The following SLC25A21 variants were observed in gnomAD, a reference collection of about 807,000 sequenced individuals.
The protein encoded by SLC25A21 is solute carrier family 25 member 21.
Under a neutral mutation model 43.8 loss-of-function variants are expected in SLC25A21, and 47 were observed. The observed-to-expected ratio is 1.07, with a 90% CI of 0.85 to 1.37. The LOEUF is 1.37. Among genes scored for constraint, SLC25A21 ranks in the 40% most tolerant of loss-of-function variants. The pLI is 0.00. For missense variants in SLC25A21, 352 were observed against 350.2 expected (o/e 1.00, Z -0.04); for synonymous variants, 131 against 121.3 (o/e 1.08, Z -0.52).
At chr14:37,142,607 C>T (rs1963589584) in intron 1 of SLC25A21, among the ~76,000 whole-genome samples, 1 of 152,134 alleles carries the variant, frequency 6.6e-6, no homozygotes, top group Admixed American at 6.5e-5. Flanking sequence ...AGCAATCCTC[C>T]CGAGTAGCTG....
intron 7 of SLC25A21, among the ~76,000 whole-genome samples, chr14:36,709,422 G>C (rs1883732578): frequency 6.6e-6 from 1 of 152,196 alleles, no homozygotes; most frequent in Non-Finnish European, 1.5e-5. Flanking sequence ...AGTGTATTGA[G>C]AGCTCCTTCG....
chr14:37,016,352 T>C (rs894823102), intron 1 of SLC25A21, among the ~76,000 whole-genome samples: 4 of 152,204 alleles, frequency 2.6e-5, no homozygotes, highest in African/African-American at 9.7e-5. Context: ...CACATAGTTG[T>C]AGATATGCGG....
chr14:36,940,601 A>G (rs1014138677), intron 1 of SLC25A21, among the ~76,000 whole-genome samples: 2 of 152,136 alleles, frequency 1.3e-5, no homozygotes, highest in African/African-American at 4.8e-5. Context: ...TAAGTCAGAA[A>G]GTTGCAAGCA....
intron 3 of SLC25A21, among the ~76,000 whole-genome samples, chr14:36,810,777 A>G (rs937604956): frequency 6.6e-6 from 1 of 150,692 alleles, no homozygotes; most frequent in African/African-American, 2.4e-5. Flanking sequence ...TTGGGACATG[A>G]CCCTTAGGAA....
At chr14:37,115,911 T>C (rs1473807827) in intron 1 of SLC25A21, among the ~76,000 whole-genome samples, 1 of 152,284 alleles carries the variant, frequency 6.6e-6, no homozygotes, top group South Asian at 2.1e-4. Flanking sequence ...TATTTAAAGA[T>C]TAAACGTTTC....
chr14:36,958,679 G>GCGCGCGCACA (rs1399246300), intron 1 of SLC25A21, among the ~76,000 whole-genome samples: 38 of 136,972 alleles, frequency 2.8e-4, no homozygotes, highest in African/African-American at 4.2e-4. Flanking sequence ...AAGCACACGT[G>GCGCGCGCACA]CACACACACA....
rs371473611 is a variant in SLC25A21 at position 37,062,274 on chromosome 14, T to A, written c.70+110007A>T. 3.0e-4 allele frequency among the ~76,000 whole-genome samples: 45 copies of A among 152,240 alleles called. No individual in the cohort carries two copies. The East Asian group carries it at 7.2e-3, about 24-fold the overall frequency. ...GTCAGGAAAGGAAAATCATACCACA[T>A]CCCCATGGTACTTTACCTATTATAG... On this transcript the variant is annotated intron_variant, in intron 1 of 9. Coordinates refer to ENST00000331299, the MANE Select transcript of SLC25A21 (RefSeq NM_030631.4).
At chr14:36,769,398 T>C (rs1886536764) in intron 3 of SLC25A21, among the ~76,000 whole-genome samples, 1 of 152,238 alleles carries the variant, frequency 6.6e-6, no homozygotes, top group Non-Finnish European at 1.5e-5. Flanking sequence ...TCTTCAAGTA[T>C]TGCTGTTTTA....
At chr14:37,157,581 A>G (rs979402047) in intron 1 of SLC25A21, among the ~76,000 whole-genome samples, 5 of 152,204 alleles carry the variant, frequency 3.3e-5, no homozygotes, top group African/African-American at 1.2e-4. Context: ...CATGGGATAC[A>G]GCAAAAGCAA....
At chr14:37,149,419 T>A (rs181765095) in intron 1 of SLC25A21, among the ~76,000 whole-genome samples, 1 of 152,040 alleles carries the variant, frequency 6.6e-6, no homozygotes, top group Non-Finnish European at 1.5e-5. Context: ...AAATTAAATG[T>A]TTTCTTAGGG....
At chr14:36,741,546 C>T (rs1187297710) in intron 3 of SLC25A21, among the ~76,000 whole-genome samples, 2 of 152,124 alleles carry the variant, frequency 1.3e-5, no homozygotes, top group South Asian at 2.1e-4. Flanking sequence ...TTTTGGGATC[C>T]AAACTGCTGA....
chr14:37,002,325 C>G (rs1378027643), intron 1 of SLC25A21, among the ~76,000 whole-genome samples: 2 of 152,118 alleles, frequency 1.3e-5, no homozygotes, highest in Non-Finnish European at 2.9e-5. Flanking sequence ...GAATTTAGTA[C>G]TGGTAAATAA....
chr14:37,142,819 C>T (rs994332424), intron 1 of SLC25A21, among the ~76,000 whole-genome samples: 9 of 152,204 alleles, frequency 5.9e-5, no homozygotes, highest in Non-Finnish European at 1.2e-4. Flanking sequence ...ATAGTAGTAT[C>T]TGAGGCAAAG....
At chr14:36,682,915 ATGT>A (rs1384778526) in intron 9 of SLC25A21, among the ~76,000 whole-genome samples, 1 of 152,186 alleles carries the variant, frequency 6.6e-6, no homozygotes. Flanking sequence ...ATTAATAGAA[ATGT>A]TGGTTCATTG....
chr14:36,896,604 T>C (rs1891246677), intron 1 of SLC25A21, among the ~76,000 whole-genome samples: 1 of 152,200 alleles, frequency 6.6e-6, no homozygotes, highest in Non-Finnish European at 1.5e-5. Context: ...GTTATTTTGC[T>C]GATTAATTGA....
chr14:36,685,949 C>A (rs1389853138), intron 7 of SLC25A21, among the ~76,000 whole-genome samples: 1 of 152,178 alleles, frequency 6.6e-6, no homozygotes, highest in Non-Finnish European at 1.5e-5. Flanking sequence ...CCCACCCTAT[C>A]TTTTCCCTGC....
chr14:36,927,383 T>C (rs861925), intron 1 of SLC25A21, among the ~76,000 whole-genome samples: 21,103 of 152,124 alleles, frequency 0.14, 2,990 homozygotes, highest in African/African-American at 0.36. Context: ...TTCAACAGAG[T>C]GATAACCTGA....
chr14:36,953,868 TA>T (rs561465330), intron 1 of SLC25A21, among the ~76,000 whole-genome samples: 107 of 152,274 alleles, frequency 7.0e-4, no homozygotes, highest in African/African-American at 2.5e-3. Flanking sequence ...AATACATGCT[TA>T]AGTGTATATT....
chr14:37,086,274 A>G (rs1238814739), intron 1 of SLC25A21, among the ~76,000 whole-genome samples: 1 of 152,162 alleles, frequency 6.6e-6, no homozygotes, highest in Non-Finnish European at 1.5e-5. Flanking sequence ...GCTAGGCCAC[A>G]GGTCAAATCC....
Sources: allele counts gnomAD v4.1 joint callset (sites outside exome capture counted in the v4.1 genomes callset), GRCh38; gene constraint gnomAD v4.1.1; transcripts MANE v1.5; gene names NCBI Gene and HGNC (gene_info 2026-07-23, HGNC 2026-07-21).